The following DUSP4 variants were observed in gnomAD, a reference collection of about 807,000 sequenced individuals.
DUSP4 encodes dual specificity phosphatase 4, also known as dual specificity protein phosphatase 4.
A neutral mutation model predicts 27.2 loss-of-function variants in DUSP4; 12 were observed. The observed-to-expected ratio is 0.44, with a 90% confidence interval of 0.28 to 0.71. DUSP4 has a LOEUF of 0.71. Among genes scored for constraint, DUSP4 ranks in the 30% least tolerant of loss-of-function variants. DUSP4 has a pLI of 0.14. For synonymous variants in DUSP4, 257 were observed against 245.2 expected, an observed-to-expected ratio of 1.05 and a Z score of -0.45; for missense variants, 448 against 551.3, an observed-to-expected ratio of 0.81 and a Z score of 1.88.
chr8:29,339,835 C>CA (rs951962168), intron 2 of DUSP4, among the ~76,000 whole-genome samples: 1 of 139,356 alleles, frequency 7.2e-6, no homozygotes, highest in African/African-American at 2.6e-5. Flanking sequence ...AAGACCCCCC[C>CA]CCCCCATCTC....
intron 1 of DUSP4, chr8:29,348,762 G>A (rs1455916): frequency 4.1e-6 from 4 of 985,306 alleles, no homozygotes; most frequent in Non-Finnish European, 4.8e-6. Flanking sequence ...CGCCTGCGGG[G>A]GGGAGGAGCG....
chr8:29,348,891 G>C, intron 1 of DUSP4: 3 of 638,102 alleles, frequency 4.7e-6, no homozygotes, highest in Non-Finnish European at 5.9e-6. Context: ...GCGCGGCGGG[G>C]GGCGCCCGGA....
At chr8:29,339,650 C>A (rs1420341557) in intron 2 of DUSP4, among the ~76,000 whole-genome samples, 1 of 152,132 alleles carries the variant, frequency 6.6e-6, no homozygotes, top group Non-Finnish European at 1.5e-5. Flanking sequence ...TAACATCCCA[C>A]CCCAATACTC....
rs111245274 is a variant in DUSP4 at position 29,334,356 on chromosome 8, C to T, written c.*2670G>A. ...CTATTGTAAGTCATCCAAAAGGCTTCTGACGAAAGAACAATTTTTAAAAAG... is the reference window on the plus strand; with the variant it reads ...CTATTGTAAGTCATCCAAAAGGCTTTTGACGAAAGAACAATTTTTAAAAAG... On this transcript the variant is annotated 3_prime_UTR_variant, in exon 4 of 4. Coordinates refer to ENST00000240100, the MANE Select transcript of DUSP4 (RefSeq NM_001394.7). 1 of 152,230 alleles carries T rather than the reference C, an allele frequency of 6.6e-6. No individual in the cohort carries two copies. The highest frequency in any genetic ancestry group is 1.5e-5 in the Non-Finnish European group (1 of 68,048). 9.4% of individuals were successfully genotyped at this position (152,230 alleles called of 1,614,324 possible). A position where few individuals can be genotyped will look rare whatever the true frequency, so the allele number is the denominator to read the frequency against.
chr8:29,350,530 C>T lies in DUSP4; in HGVS notation c.-252G>A. The stretch of plus-strand genomic sequence containing the variant: ...GGCGCGCAGAGCGGAGGGGGAGGCG[C>T]CGGTGGAGGAGAGTGTGTTTACGAG... On this transcript the variant is annotated 5_prime_UTR_variant, in exon 1 of 4. Coordinates refer to ENST00000240100, the MANE Select transcript of DUSP4 (RefSeq NM_001394.7). 1 of 521,320 alleles carries T rather than the reference C, an allele frequency of 1.9e-6. No homozygotes were observed. The highest frequency in any genetic ancestry group is 3.3e-6 in the Non-Finnish European group (1 of 298,728). 32.3% of individuals were successfully genotyped at this position (521,320 alleles called of 1,614,324 possible). A position where few individuals can be genotyped will look rare whatever the true frequency, so the allele number is the denominator to read the frequency against.
chr8:29,340,307 T>G (rs755302941), intron 1 of DUSP4, 64 bp from the exon 2 acceptor site: 185 of 1,532,462 alleles, frequency 1.2e-4, no homozygotes, highest in Non-Finnish European at 1.6e-4. Flanking sequence ...CAGAAAGAAC[T>G]CGACTCCTAC....
At chr8:29,345,256 G>C (rs1270518579) in intron 1 of DUSP4, 1 of 1,261,314 alleles carries the variant, frequency 7.9e-7, no homozygotes, top group East Asian at 2.5e-5. Flanking sequence ...GAAAGTCTGG[G>C]GTTGTTTGAA....
intron 1 of DUSP4, chr8:29,345,565 G>A (rs774215036): frequency 5.9e-6 from 9 of 1,522,958 alleles, no homozygotes; most frequent in African/African-American, 4.3e-5. Flanking sequence ...ACTGCCTCCC[G>A]GTAAGGAAAT....
At position 29,338,583 on chromosome 8, in the gene DUSP4, G is replaced by A. The variant is rs1015032549; in HGVS notation, c.580-82C>T. ...CAGGGAGTGGAAGCTTGTCTGAGAA[G>A]AGCTTTCCTTTCCAAACCCAGGGAG... On this transcript the variant is annotated intron_variant, in intron 2 of 3. Coordinates refer to ENST00000240100, the MANE Select transcript of DUSP4 (RefSeq NM_001394.7). 6.2e-6 allele frequency: 9 copies of A among 1,462,412 alleles called. No individual in the cohort carries two copies. In the African/African-American group the frequency reaches 9.8e-5, roughly 16 times the overall value. The allele number at this position is 1,462,412 out of a possible 1,614,324, so 90.6% of individuals were successfully genotyped here.
chr8:29,348,390 T>C (rs1275163231), intron 1 of DUSP4: 1 of 985,522 alleles, frequency 1.0e-6, no homozygotes, highest in East Asian at 1.1e-4. Context: ...GACAAGCCCC[T>C]TCCTGGCACT....
rs550627768 is a variant in DUSP4 at position 29,345,564 on chromosome 8, C to CGGTAA, written c.433+4277_433+4281dup. On this transcript the variant is annotated intron_variant, in intron 1 of 3. Coordinates refer to ENST00000240100, the MANE Select transcript of DUSP4 (RefSeq NM_001394.7). ...TCTTCGTTAGCCAGGAACTGCCTCC[C>CGGTAA]GGTAAGGAAATCGGCTCTCTGGTTT... 106 of 1,524,530 alleles carry CGGTAA rather than the reference C, an allele frequency of 7.0e-5. No individual in the cohort carries two copies. In the African/African-American group the frequency reaches 1.2e-3, roughly 18 times the overall value. The allele number at this position is 1,524,530 out of a possible 1,614,324, so 94.4% of individuals were successfully genotyped here.
Position 29,335,246 on chromosome 8 carries a change from C to T in DUSP4, c.*1780G>A, listed in dbSNP as rs1817554067. The T allele has an allele frequency of 6.6e-6, 1 of 151,442 alleles. No homozygotes were observed. The highest frequency in any genetic ancestry group is 2.4e-5 in the African/African-American group (1 of 41,256). The allele number at this position is 151,442 out of a possible 1,614,324, so 9.4% of individuals were successfully genotyped here. On this transcript the variant is annotated 3_prime_UTR_variant, in exon 4 of 4. Transcript: ENST00000240100. The stretch of plus-strand genomic sequence containing the variant: ...CTCCCCACAGAAAACGTGTCTCCCT[C>T]CAAAGCCATTCTCCATTTAGAAAGG...
rs3052311 is a variant in DUSP4, at chr8:29,343,167, CA to C, written c.434-2925del. On this transcript the variant is annotated intron_variant, in intron 1 of 3. Transcript: ENST00000240100. ...TGGGCGTCAGAGCGAGACTCCATCT[CA>C]AAAAAAAAAAAAAAAAAAGGAACAA... 2.5e-3 allele frequency among the ~76,000 whole-genome samples: 214 copies of C among 86,540 alleles called. 1 individual carries two copies. In the East Asian group the frequency reaches 0.027, roughly 11 times the overall value. 56.8% of individuals were successfully genotyped at this position (86,540 alleles called of 152,430 possible). A position where few individuals can be genotyped will look rare whatever the true frequency, so the allele number is the denominator to read the frequency against.
At position 29,339,039 on chromosome 8, in the gene DUSP4, C is replaced by G. The variant is rs952707187; in HGVS notation, c.580-538G>C. ...AGACCTCATCTCTCAAACAATGAAG[C>G]TGGCATGATGGTGCACACCTGTAGT... On this transcript the variant is annotated intron_variant, in intron 2 of 3. Coordinates refer to ENST00000240100, the MANE Select transcript of DUSP4 (RefSeq NM_001394.7). 2.6e-5 allele frequency among the ~76,000 whole-genome samples: 4 copies of G among 152,150 alleles called. No individual in the cohort carries two copies. In the East Asian group the frequency reaches 7.7e-4, roughly 29 times the overall value.
intron 1 of DUSP4, chr8:29,348,014 G>A: frequency 1.0e-6 from 1 of 985,544 alleles, no homozygotes; most frequent in Non-Finnish European, 1.2e-6. Flanking sequence ...CAAGGGCCGA[G>A]GTCCTGGAGC....
At position 29,335,724 on chromosome 8, in the gene DUSP4, C is replaced by T. The variant is rs1204941842; in HGVS notation, c.*1302G>A. On this transcript the variant is annotated 3_prime_UTR_variant, in exon 4 of 4. Transcript: ENST00000240100. ...GGTTATCTCTAGTTGTCTGGTTTCC[C>T]CAATGGCTGGCCTTGCCAAATGATT... 6.6e-6 allele frequency: 1 copy of T among 152,218 alleles called. No homozygotes were observed. The highest frequency in any genetic ancestry group is 2.4e-5 in the African/African-American group (1 of 41,452). The allele number at this position is 152,218 out of a possible 1,614,324, so 9.4% of individuals were successfully genotyped here.
intron 1 of DUSP4, chr8:29,345,469 T>C: frequency 6.2e-7 from 1 of 1,612,894 alleles, no homozygotes; most frequent in Non-Finnish European, 8.5e-7. Context: ...CTCCCAGTCC[T>C]CCTGGGCGAT....
intron 1 of DUSP4, among the ~76,000 whole-genome samples, chr8:29,349,317 T>C (rs1817787068): frequency 6.6e-6 from 1 of 152,236 alleles, no homozygotes; most frequent in South Asian, 2.1e-4. Context: ...CTCTACACAG[T>C]GTGTGCAACC....
Position 29,337,154 on chromosome 8 carries a change from G to T in DUSP4, c.1057C>A (p.Arg353=), listed in dbSNP as rs370779406. 6.2e-7 allele frequency: 1 copy of T among 1,610,892 alleles called. No individual in the cohort carries two copies. Among genetic ancestry groups the T allele is most frequent in the Non-Finnish European group, 8.5e-7 (1 of 1,178,746 alleles). The change falls in exon 4 of 4, where the codon CGG becomes AGG. Residue 353 remains arginine (R), a synonymous_variant. Coordinates refer to ENST00000240100, the MANE Select transcript of DUSP4 (RefSeq NM_001394.7). This position sits in a 1 kb window ranked among gnomAD's most constrained non-coding sequence, Gnocchi z 6.4. ...GTGGGGGTGGCGGGGGTCTTGCCCC[G>T]CTCCCGCAGGGGTCCCGAGGGGCTA... ...AASPSGPLRE[R]GKTPATPTSQ...
Sources: gnomAD v4.1 joint callset for allele counts (sites outside exome capture counted in the v4.1 genomes callset) on GRCh38, gnomAD v4.1.1 for gene constraint, Gnocchi (gnomAD v3.1) non-coding constraint, MANE v1.5 for transcripts, NCBI Gene and HGNC (gene_info 2026-07-23, HGNC 2026-07-21) for gene names.